The following NPHP4 variants were observed in gnomAD, a reference collection of about 807,000 sequenced individuals.
The protein encoded by NPHP4 is nephrocystin 4.
A neutral mutation model predicts 155.8 loss-of-function variants in NPHP4; 151 were observed. That is an observed-to-expected ratio of 0.97 (90% CI 0.85 to 1.11). NPHP4 has a LOEUF of 1.11. Ranked by LOEUF, NPHP4 falls within the 50% of genes least tolerant of loss-of-function variation. NPHP4 has a pLI of 0.00. For synonymous variants in NPHP4, 845 were observed against 816.8 expected (o/e 1.03, Z -0.59); for missense variants, 1,956 against 1,925.7 (o/e 1.02, Z -0.29).
intron 12 of NPHP4, among the ~76,000 whole-genome samples, chr1:5,908,214 T>C (rs989757671): frequency 6.6e-6 from 1 of 152,198 alleles, no homozygotes; most frequent in African/African-American, 2.4e-5. Context: ...CCCTATACGG[T>C]ATCGTGACCA....
At chr1:5,988,631 G>A (rs1010419137) in intron 1 of NPHP4, among the ~76,000 whole-genome samples, 3 of 152,188 alleles carry the variant, frequency 2.0e-5, no homozygotes, top group African/African-American at 7.2e-5. Flanking sequence ...CTTTTAAAGG[G>A]TAAAGGGATC....
chr1:5,978,112 G>A (rs774710638), intron 3 of NPHP4, among the ~76,000 whole-genome samples, 158 bp downstream of exon 3: 14 of 151,792 alleles, frequency 9.2e-5, no homozygotes, highest in Non-Finnish European at 1.5e-4. Context: ...GTAACAAAGC[G>A]CTTGCCGCTA....
intron 11 of NPHP4, among the ~76,000 whole-genome samples, chr1:5,926,456 G>A (rs1646009200): frequency 1.3e-5 from 2 of 152,168 alleles, no homozygotes; most frequent in Admixed American, 1.3e-4. Context: ...CCAGACTTGG[G>A]CTGAAAATAT....
In NPHP4 at chr1:5,927,770, C is replaced by G. The variant is rs775008568; in HGVS notation, c.1320G>C (p.Ser440=). The change falls in exon 11 of 30, where the codon TCG becomes TCC. Residue 440 remains serine, a synonymous_variant. Coordinates refer to ENST00000378156, the MANE Select transcript of NPHP4 (RefSeq NM_015102.5). ...MSSEEVKQVE[S]GTLRFQFSLG... ...GCGAGAACTGGAACCGGAGTGTACCCGACTCCACCTGCTTCACCTGCAATG... is the reference window on the plus strand; with the variant it reads ...GCGAGAACTGGAACCGGAGTGTACCGGACTCCACCTGCTTCACCTGCAATG... 10 of 1,611,164 alleles carry G rather than the reference C, an allele frequency of 6.2e-6. No homozygotes were observed. Among genetic ancestry groups the G allele is most frequent in the Non-Finnish European group, 7.6e-6 (9 of 1,177,620 alleles).
intron 10 of NPHP4, among the ~76,000 whole-genome samples, chr1:5,930,126 C>G (rs749014006): frequency 3.3e-5 from 5 of 152,122 alleles, no homozygotes; most frequent in Non-Finnish European, 5.9e-5. Flanking sequence ...TTTTAATACC[C>G]GTGAGGTCTG....
At chr1:5,874,782 C>G in intron 21 of NPHP4, 92 bp downstream of exon 21, 4 of 1,530,472 alleles carry the variant, frequency 2.6e-6, no homozygotes, top group Non-Finnish European at 3.6e-6. Context: ...CGCCCCGGCT[C>G]TCGGGCAGAA....
At chr1:5,972,079 G>T (rs1652670008) in intron 3 of NPHP4, among the ~76,000 whole-genome samples, 1 of 152,260 alleles carries the variant, frequency 6.6e-6, no homozygotes, top group South Asian at 2.1e-4. Flanking sequence ...GGATGAAGAG[G>T]CCGCAGCCGG....
At chr1:5,878,805 T>TGCG (rs1642890376) in intron 19 of NPHP4, among the ~76,000 whole-genome samples, 1 of 152,162 alleles carries the variant, frequency 6.6e-6, no homozygotes, top group African/African-American at 2.4e-5. Context: ...TCAGCCTGGC[T>TGCG]CCTGGAGCTC....
At chr1:5,984,504 C>CAGGCACTACAGTGCTGT in intron 2 of NPHP4, among the ~76,000 whole-genome samples, 1 of 152,032 alleles carries the variant, frequency 6.6e-6, no homozygotes, top group Non-Finnish European at 1.5e-5. Context: ...CACTGCACTA[C>CAGGCACTACAGTGCTGT]AGCCTGGGTG....
chr1:5,896,812 G>A (rs1427755928), intron 16 of NPHP4, among the ~76,000 whole-genome samples: 3 of 152,274 alleles, frequency 2.0e-5, no homozygotes, highest in South Asian at 2.1e-4. Context: ...GAGAGCACAA[G>A]ATGAGCCTGG....
intron 16 of NPHP4, among the ~76,000 whole-genome samples, chr1:5,903,620 T>G (rs1013191907): frequency 6.6e-6 from 1 of 152,172 alleles, no homozygotes; most frequent in African/African-American, 2.4e-5. Context: ...AAAAAAGTCA[T>G]TAGTCCCCAT....
Position 5,965,404 on chromosome 1 carries a change from C to T in NPHP4, c.517+1895G>A, listed in dbSNP as rs941316561. On this transcript the variant is annotated intron_variant, in intron 5 of 29. Coordinates refer to ENST00000378156, the MANE Select transcript of NPHP4 (RefSeq NM_015102.5). ...GACGCATGGACATGTGGACTGTGGACGTGGAGCGAATGTGGTGGCTGTCTA... is the reference window on the plus strand; with the variant it reads ...GACGCATGGACATGTGGACTGTGGATGTGGAGCGAATGTGGTGGCTGTCTA... Among the ~76,000 whole-genome samples, 5 of 152,222 alleles carry T rather than the reference C, an allele frequency of 3.3e-5. No individual in the cohort carries two copies. The Middle Eastern group carries it at 0.01, about 311-fold the overall frequency.
chr1:5,971,159 C>G (rs998334009), intron 3 of NPHP4, among the ~76,000 whole-genome samples: 2 of 152,194 alleles, frequency 1.3e-5, no homozygotes, highest in African/African-American at 2.4e-5. Context: ...CTACCTGAAC[C>G]GGGTGGAACC....
chr1:5,968,605 A>G (rs1432469865), intron 4 of NPHP4, among the ~76,000 whole-genome samples: 2 of 146,090 alleles, frequency 1.4e-5, no homozygotes, highest in African/African-American at 5.1e-5. Flanking sequence ...TGTCTCGAAG[A>G]AAAAAAAAAA....
At chr1:5,923,414 T>C (rs990689463) in intron 11 of NPHP4, among the ~76,000 whole-genome samples, 6 of 152,220 alleles carry the variant, frequency 3.9e-5, no homozygotes, top group African/African-American at 1.4e-4. Context: ...CCCAGCTTAC[T>C]GTGTTCAGTG....
rs1026507121 is a variant in NPHP4 at position 5,987,293 on chromosome 1, G to A, written c.-38-966C>T. On this transcript the variant is annotated intron_variant, in intron 1 of 29. Coordinates refer to ENST00000378156, the MANE Select transcript of NPHP4 (RefSeq NM_015102.5). ...GAACCTCAAGAAGAGGTTGAATTCC[G>A]TAAACTAAAATGGCGAGTAAGGAGA... Among the ~76,000 whole-genome samples, 8 of 152,074 alleles carry A rather than the reference G, an allele frequency of 5.3e-5. No homozygotes were observed. The South Asian group carries it at 8.3e-4, about 16-fold the overall frequency.
At position 5,887,467 on chromosome 1, in the gene NPHP4, C is replaced by CT; in HGVS notation, c.2305-2dup. 4 of 1,612,878 alleles carry CT rather than the reference C, an allele frequency of 2.5e-6. No homozygotes were observed. The highest frequency in any genetic ancestry group is 3.4e-6 in the Non-Finnish European group (4 of 1,179,834). On this transcript the variant is annotated splice_acceptor_variant, in intron 17 of 29. Transcript: ENST00000378156. LOFTEE classifies it high-confidence loss of function. ...CCGGCCGGCCTTGGCGGAGGAGATG[C>CT]TGCAGAAGAGAAAAGCGCGTTCAGA...
intron 9 of NPHP4, among the ~76,000 whole-genome samples, chr1:5,946,730 C>T (rs980261000): frequency 1.3e-5 from 2 of 152,214 alleles, no homozygotes; most frequent in Non-Finnish European, 2.9e-5. Flanking sequence ...AGGAGAGTGA[C>T]TGAAGGTTAC....
intron 9 of NPHP4, among the ~76,000 whole-genome samples, chr1:5,941,823 C>A (rs1297274174): frequency 6.6e-6 from 1 of 152,164 alleles, no homozygotes; most frequent in East Asian, 1.9e-4. Flanking sequence ...GCTTGATGGA[C>A]AAGTCAACCA....
Sources: allele counts gnomAD v4.1 joint callset (sites outside exome capture counted in the v4.1 genomes callset), GRCh38; gene constraint gnomAD v4.1.1; transcripts MANE v1.5; gene names NCBI Gene and HGNC (gene_info 2026-07-23, HGNC 2026-07-21).